The following RB1CC1 variants were observed in gnomAD, a reference collection of about 807,000 sequenced individuals.
The protein encoded by RB1CC1 is RB1 inducible coiled-coil 1.
In RB1CC1, 46 loss-of-function variants were observed where a neutral mutation model predicts 177.5. That is an observed-to-expected ratio of 0.26 (90% CI 0.20 to 0.33). RB1CC1 has a LOEUF of 0.33. RB1CC1 is among the 10% of genes least tolerant of loss of function. RB1CC1 has a pLI of 1.00. For synonymous variants in RB1CC1, 666 were observed against 613.6 expected (o/e 1.09, Z -1.26); for missense variants, 1,703 against 1,816.3 (o/e 0.94, Z 1.13).
intron 1 of RB1CC1, among the ~76,000 whole-genome samples, chr8:52,698,395 T>A (rs997363821): frequency 6.6e-6 from 1 of 150,528 alleles, no homozygotes; most frequent in Non-Finnish European, 1.5e-5. Context: ...CCATCTTGGC[T>A]CACCGGAAGC....
At chr8:52,637,150 G>A (rs1266520189) in intron 18 of RB1CC1, among the ~76,000 whole-genome samples, 2 of 152,114 alleles carry the variant, frequency 1.3e-5, no homozygotes, top group African/African-American at 2.4e-5. Flanking sequence ...TGTTGAACTG[G>A]CAGACCAATT....
chr8:52,694,818 G>T (rs535582907), intron 1 of RB1CC1, among the ~76,000 whole-genome samples: 1 of 152,108 alleles, frequency 6.6e-6, no homozygotes, highest in African/African-American at 2.4e-5. Flanking sequence ...ACAATGACTG[G>T]TATTCTAGTT....
intron 1 of RB1CC1, among the ~76,000 whole-genome samples, chr8:52,701,012 T>G (rs1697026091): frequency 6.6e-6 from 1 of 152,200 alleles, no homozygotes; most frequent in African/African-American, 2.4e-5. Flanking sequence ...ATTCTACAAG[T>G]AAGTTGTATA....
At chr8:52,696,614 A>AAAAACAAAAC (rs1462078510) in intron 1 of RB1CC1, among the ~76,000 whole-genome samples, 1 of 152,222 alleles carries the variant, frequency 6.6e-6, no homozygotes, top group Admixed American at 6.5e-5. Flanking sequence ...TGATACTCAA[A>AAAAACAAAAC]AAAACAAAAA....
intron 15 of RB1CC1, among the ~76,000 whole-genome samples, chr8:52,647,262 C>T (rs535051957): frequency 2.0e-5 from 3 of 152,190 alleles, no homozygotes; most frequent in Admixed American, 2.0e-4. Flanking sequence ...GCAGAATATG[C>T]AGTTTGAAAC....
intron 15 of RB1CC1, 89 bp downstream of exon 15, chr8:52,655,919 G>C: frequency 9.5e-7 from 1 of 1,055,012 alleles, no homozygotes; most frequent in Non-Finnish European, 1.3e-6. Flanking sequence ...TTTACCCAAG[G>C]TAAATGAGTA....
At chr8:52,639,540 T>C (rs1423970669) in intron 18 of RB1CC1, among the ~76,000 whole-genome samples, 6 of 152,218 alleles carry the variant, frequency 3.9e-5, no homozygotes, top group African/African-American at 1.4e-4. Flanking sequence ...GTGTTCTTCC[T>C]GAATTTATGA....
intron 20 of RB1CC1, among the ~76,000 whole-genome samples, chr8:52,633,931 C>T (rs1465704722): frequency 2.0e-5 from 3 of 151,736 alleles, no homozygotes; most frequent in Non-Finnish European, 4.4e-5. Context: ...TCTACGAAAA[C>T]AAAAAAACAA....
chr8:52,641,764 ACT>A (rs950096508), intron 18 of RB1CC1, among the ~76,000 whole-genome samples: 3 of 152,014 alleles, frequency 2.0e-5, no homozygotes, highest in African/African-American at 7.2e-5. Context: ...AGAAATGCAA[ACT>A]CTACTTGCAA....
chr8:52,706,645 T>G (rs1173689935), intron 1 of RB1CC1, among the ~76,000 whole-genome samples: 2 of 150,390 alleles, frequency 1.3e-5, no homozygotes, highest in East Asian at 2.0e-4. Flanking sequence ...GGCAGGAGAA[T>G]GGCGTGAACC....
chr8:52,628,954 G>T lies in RB1CC1; in HGVS notation c.4500-786C>A, dbSNP rs114041055. Among the ~76,000 whole-genome samples the T allele has an allele frequency of 4.3e-3, 654 of 152,252 alleles. 3 individuals carry two copies. The highest frequency in any genetic ancestry group is 0.015 in the African/African-American group (614 of 41,562). ...CTTAGTGATTACCTAACAACCATGT[G>T]GCAGGCACTGTTTTGGCTAAATGCC... is the stretch of plus-strand genomic sequence containing the variant. On this transcript the variant is annotated intron_variant, in intron 21 of 23. Transcript: ENST00000025008.
At chr8:52,710,815 T>G (rs1463429103) in intron 1 of RB1CC1, among the ~76,000 whole-genome samples, 1 of 152,142 alleles carries the variant, frequency 6.6e-6, no homozygotes, top group Non-Finnish European at 1.5e-5. Context: ...TATAAACATA[T>G]AACCAAATTA....
chr8:52,673,905 A>G lies in RB1CC1; in HGVS notation c.942T>C (p.Val314=). The change falls in exon 7 of 24, where the codon GTT becomes GTC. Residue 314 remains valine, a synonymous_variant. Transcript: ENST00000025008. ...FNVSLLDWIN[V]QDRPNDVESL... Reference sequence around the variant, plus strand: ...ATTCCACATCATTAGGTCTATCTTGAACATTTATCCAGTCTAACAAAGAGA... The same window carrying G: ...ATTCCACATCATTAGGTCTATCTTGGACATTTATCCAGTCTAACAAAGAGA... 6 of 1,614,174 alleles carry G rather than the reference A, an allele frequency of 3.7e-6. No individual in the cohort carries two copies. Among genetic ancestry groups the G allele is most frequent in the Non-Finnish European group, 5.1e-6 (6 of 1,180,026 alleles).
At chr8:52,693,227 C>CA (rs1213223569) in intron 1 of RB1CC1, among the ~76,000 whole-genome samples, 17 of 152,038 alleles carry the variant, frequency 1.1e-4, no homozygotes, top group Admixed American at 6.6e-5. Flanking sequence ...GGTTTCATGA[C>CA]AAAAAAGCCA....
chr8:52,658,953 G>A lies in RB1CC1; in HGVS notation c.1713C>T (p.Asp571=), dbSNP rs757428453. The change falls in exon 13 of 24, where the codon GAC becomes GAT. Residue 571 remains aspartate, a synonymous_variant. Coordinates refer to ENST00000025008, the MANE Select transcript of RB1CC1 (RefSeq NM_014781.5). ...SFCTQKPRKF[D]CELPDISLKD... is the part of the protein sequence containing the mutation. The stretch of plus-strand genomic sequence containing the variant: ...TTAATGAAATATCTGGAAGTTCACA[G>A]TCAAACTTTCGAGGCTTTTGAGTCT... 6.4e-6 allele frequency: 10 copies of A among 1,564,434 alleles called. No individual in the cohort carries two copies. Among genetic ancestry groups the A allele is most frequent in the African/African-American group, 1.4e-5 (1 of 72,574 alleles).
rs191030304 is a variant in RB1CC1, at chr8:52,675,251, A to C, written c.573-977T>G. On this transcript the variant is annotated intron_variant, in intron 6 of 23. Transcript: ENST00000025008. ...GGCCAAAAACTAATATTCATACCACAAAACAGAGAAATCTGAATTTAAAAG... is the reference window on the plus strand; with the variant it reads ...GGCCAAAAACTAATATTCATACCACCAAACAGAGAAATCTGAATTTAAAAG... 3.3e-5 allele frequency among the ~76,000 whole-genome samples: 5 copies of C among 152,316 alleles called. No homozygotes were observed. In the East Asian group the frequency reaches 7.7e-4, roughly 24 times the overall value.
chr8:52,694,382 C>T (rs1043668097), intron 1 of RB1CC1, among the ~76,000 whole-genome samples: 2 of 152,086 alleles, frequency 1.3e-5, no homozygotes, highest in African/African-American at 4.8e-5. Context: ...GGGTAGTCCC[C>T]TGTGGATCCG....
At chr8:52,679,982 T>C (rs1227245000) in intron 5 of RB1CC1, among the ~76,000 whole-genome samples, 1 of 152,218 alleles carries the variant, frequency 6.6e-6, no homozygotes, top group East Asian at 1.9e-4. Context: ...ATTCTGCTTC[T>C]AACTGGGGAT....
intron 7 of RB1CC1, 128 bp from the exon 8 acceptor site, chr8:52,668,319 A>G (rs1852256121): frequency 1.9e-6 from 2 of 1,041,372 alleles, no homozygotes; most frequent in South Asian, 1.7e-5. Context: ...AAAGCATGGG[A>G]ACTCTAAGTT....
Sources: allele counts gnomAD v4.1 joint callset (sites outside exome capture counted in the v4.1 genomes callset), GRCh38; gene constraint gnomAD v4.1.1; transcripts MANE v1.5; gene names NCBI Gene and HGNC (gene_info 2026-07-23, HGNC 2026-07-21).